NEK11: variants seen among roughly 807,000 people sequenced by gnomAD.
NEK11 encodes the protein NIMA related kinase 11, also known as serine/threonine-protein kinase Nek11.
A neutral mutation model predicts 80.7 loss-of-function variants in NEK11; 72 were observed. The observed-to-expected ratio is 0.89, with a 90% CI of 0.74 to 1.08. NEK11 has a LOEUF of 1.08. Among genes scored for constraint, NEK11 ranks in the 50% least tolerant of loss-of-function variants. The pLI is 0.00. For synonymous variants in NEK11, 251 were observed against 260.7 expected (o/e 0.96, Z 0.36); for missense variants, 764 against 763.6 (o/e 1.00, Z -0.01).
intron 4 of NEK11, among the ~76,000 whole-genome samples, chr3:131,093,551 G>C (rs1207885372): frequency 6.6e-6 from 1 of 152,144 alleles, no homozygotes; most frequent in Admixed American, 6.6e-5. Flanking sequence ...TGAGTAGCTA[G>C]GATTACAGGC....
chr3:131,332,354 C>T, intron 17 of NEK11, among the ~76,000 whole-genome samples: 1 of 152,248 alleles, frequency 6.6e-6, no homozygotes, highest in Non-Finnish European at 1.5e-5. Context: ...CCCAGGCAAA[C>T]AGGGTCTGGA....
chr3:131,312,813 C>A (rs751678841), intron 17 of NEK11, among the ~76,000 whole-genome samples: 2 of 152,040 alleles, frequency 1.3e-5, no homozygotes, highest in African/African-American at 2.4e-5. Context: ...GGGAAGTAGA[C>A]AAAAGTTTTT....
chr3:131,247,626 T>G (rs546977577), intron 16 of NEK11, among the ~76,000 whole-genome samples: 1 of 152,244 alleles, frequency 6.6e-6, no homozygotes, highest in South Asian at 2.1e-4. Context: ...TGGTTTCATA[T>G]GAATTTTAGA....
intron 15 of NEK11, among the ~76,000 whole-genome samples, chr3:131,232,624 T>A (rs2095352477): frequency 6.6e-6 from 1 of 152,208 alleles, no homozygotes; most frequent in African/African-American, 2.4e-5. Context: ...TCAGAGGTTT[T>A]GAAATTCTTA....
intron 17 of NEK11, among the ~76,000 whole-genome samples, chr3:131,304,412 G>A (rs577917302): frequency 3.3e-5 from 5 of 152,226 alleles, no homozygotes; most frequent in Admixed American, 1.3e-4. Flanking sequence ...TGTCATTTCA[G>A]CCAAGTTAAG....
intron 15 of NEK11, among the ~76,000 whole-genome samples, chr3:131,238,888 C>T (rs1444883037): frequency 6.6e-6 from 1 of 152,030 alleles, no homozygotes; most frequent in Non-Finnish European, 1.5e-5. Context: ...TAAGATCTTG[C>T]ATTTCACGAT....
At chr3:131,143,345 G>T (rs1293877388) in intron 7 of NEK11, among the ~76,000 whole-genome samples, 2 of 152,098 alleles carry the variant, frequency 1.3e-5, no homozygotes, top group Non-Finnish European at 2.9e-5. Context: ...TCACTCCATT[G>T]CTTCCCTCTG....
chr3:131,339,041 G>T (rs1015454438), intron 17 of NEK11, among the ~76,000 whole-genome samples: 1 of 151,986 alleles, frequency 6.6e-6, no homozygotes, highest in Non-Finnish European at 1.5e-5. Context: ...TCCCAAAGAT[G>T]AAATAAAAAC....
intron 15 of NEK11, among the ~76,000 whole-genome samples, chr3:131,241,938 G>A (rs1289399186): frequency 6.6e-6 from 1 of 151,976 alleles, no homozygotes. Context: ...AAAATAAATG[G>A]GAATTGTTAG....
In NEK11 at chr3:131,196,846, C is replaced by CTTTTCT. The variant is rs1261123535; in HGVS notation, c.1399+25963_1399+25964insCTTTTT. Among the ~76,000 whole-genome samples, 370 of 138,154 alleles carry CTTTTCT rather than the reference C, an allele frequency of 2.7e-3. 1 individual carries two copies. The highest frequency in any genetic ancestry group is 9.4e-3 in the African/African-American group (353 of 37,634). 90.6% of individuals were successfully genotyped at this position (138,154 alleles called of 152,430 possible). On this transcript the variant is annotated intron_variant, in intron 14 of 17. Transcript: ENST00000383366. ...CACAAAATTTCTTTTCTTTTCTTTTCTTTTTTTTTTTTTTTGCTGTTGCAA... is the reference window on the plus strand; with the variant it reads ...CACAAAATTTCTTTTCTTTTCTTTTCTTTTCTTTTTTTTTTTTTTTTGCTGTTGCAA...
chr3:131,258,178 G>C (rs2095850897), intron 16 of NEK11, among the ~76,000 whole-genome samples: 1 of 151,944 alleles, frequency 6.6e-6, no homozygotes, highest in Admixed American at 6.6e-5. Context: ...AGGGTGGGAG[G>C]GGGTGAGGAA....
At chr3:131,232,316 G>C (rs778156841) in intron 15 of NEK11, among the ~76,000 whole-genome samples, 1 of 152,162 alleles carries the variant, frequency 6.6e-6, no homozygotes, top group African/African-American at 2.4e-5. Flanking sequence ...AGGGCTACAG[G>C]CTGACGAGTG....
At chr3:131,337,378 C>G (rs1349555076) in intron 17 of NEK11, among the ~76,000 whole-genome samples, 1 of 151,744 alleles carries the variant, frequency 6.6e-6, no homozygotes, top group Admixed American at 6.6e-5. Context: ...AAACACCAAA[C>G]ACCGCATGTT....
At chr3:131,259,026 A>T (rs2095866206) in intron 16 of NEK11, among the ~76,000 whole-genome samples, 1 of 152,192 alleles carries the variant, frequency 6.6e-6, no homozygotes, top group African/African-American at 2.4e-5. Context: ...GCTTTACTAG[A>T]GCCATAGAAG....
chr3:131,076,608 G>T (rs1007725644), intron 3 of NEK11, among the ~76,000 whole-genome samples: 2 of 152,150 alleles, frequency 1.3e-5, no homozygotes, highest in African/African-American at 4.8e-5. Context: ...AAGCCAAAAA[G>T]TTACTCGTTT....
At chr3:131,246,300 T>C (rs537100210) in intron 16 of NEK11, among the ~76,000 whole-genome samples, 90 of 152,272 alleles carry the variant, frequency 5.9e-4, no homozygotes, top group African/African-American at 2.0e-3. Flanking sequence ...GTATCATTCT[T>C]ATGCCTTTGT....
Position 131,109,798 on chromosome 3 carries a change from T to C in NEK11, c.337-5T>C. On this transcript the variant is annotated splice_polypyrimidine_tract_variant and splice_region_variant and intron_variant, in intron 4 of 17. Coordinates refer to ENST00000383366, the MANE Select transcript of NEK11 (RefSeq NM_024800.5). The stretch of plus-strand genomic sequence containing the variant: ...AAATATGAAAGATTATGCTCTTCAT[T>C]TCAGGGCCGAGATCTGGACGATAAA... The C allele has an allele frequency of 6.3e-7, 1 of 1,581,198 alleles. No individual in the cohort carries two copies. The highest frequency in any genetic ancestry group is 2.3e-5 in the East Asian group (1 of 43,754).
chr3:131,249,433 C>A (rs745375805), intron 16 of NEK11, among the ~76,000 whole-genome samples: 3 of 152,056 alleles, frequency 2.0e-5, no homozygotes, highest in Non-Finnish European at 4.4e-5. Flanking sequence ...AAATAGACCC[C>A]AGGTGCCTTT....
At chr3:131,149,208 A>G (rs887856713) in intron 7 of NEK11, among the ~76,000 whole-genome samples, 21 of 151,884 alleles carry the variant, frequency 1.4e-4, no homozygotes, top group African/African-American at 7.3e-5. Flanking sequence ...TGTGTAGTCA[A>G]TGTTTAGCTC....
Sources: allele counts gnomAD v4.1 joint callset (sites outside exome capture counted in the v4.1 genomes callset), GRCh38; gene constraint gnomAD v4.1.1; transcripts MANE v1.5; gene names NCBI Gene and HGNC (gene_info 2026-07-23, HGNC 2026-07-21).